The following GABRA4 variants were observed in gnomAD, a reference collection of about 807,000 sequenced individuals.
GABRA4 encodes the protein gamma-aminobutyric acid receptor subunit alpha-4.
In GABRA4, 12 loss-of-function variants were observed where a neutral mutation model predicts 49.7. The observed-to-expected ratio is 0.24, with a 90% CI of 0.15 to 0.39. The LOEUF (loss-of-function observed/expected upper bound fraction) is 0.39, where lower values mean the gene tolerates loss of function less well. Ranked by LOEUF, GABRA4 falls within the 10% of genes least tolerant of loss-of-function variation. The pLI is 1.00. For synonymous variants in GABRA4, 288 were observed against 240.2 expected (o/e 1.20, Z -1.84); for missense variants, 506 against 686.0 (o/e 0.74, Z 2.93).
chr4:46,950,764 C>T (rs1722147397), intron 8 of GABRA4, among the ~76,000 whole-genome samples: 2 of 88,208 alleles, frequency 2.3e-5, no homozygotes, highest in Non-Finnish European at 5.1e-5. Context: ...TATGCTTGTC[C>T]AGCTCTTGCT....
intron 8 of GABRA4, among the ~76,000 whole-genome samples, chr4:46,930,837 A>T (rs1184773212): frequency 1.4e-5 from 2 of 148,004 alleles, no homozygotes; most frequent in Non-Finnish European, 3.0e-5. Context: ...AAACAAATGC[A>T]AAAAAAAAAC....
At chr4:46,974,718 T>C (rs1723076495) in intron 5 of GABRA4, among the ~76,000 whole-genome samples, 1 of 151,902 alleles carries the variant, frequency 6.6e-6, no homozygotes, top group Non-Finnish European at 1.5e-5. Context: ...CAAAAGCAGA[T>C]ATATTGAACT....
rs759264808 is a variant in GABRA4 at position 46,965,192 on chromosome 4, G to A, written c.912C>T (p.Ile304=). The change falls in exon 8 of 9, where the codon ATC becomes ATT. Residue 304 remains isoleucine (I), a synonymous_variant. Transcript: ENST00000264318. The part of the protein sequence containing the change: ...TTVLTMTTLS[I]SARHSLPKVS... The stretch of plus-strand genomic sequence containing the variant: ...CTTTGGGCAAAGAATGTCGTGCACT[G>A]ATGCTTAGTGTGGTCATGGTGAGGA... 1.3e-6 allele frequency: 2 copies of A among 1,589,536 alleles called. No homozygotes were observed. Among genetic ancestry groups the A allele is most frequent in the South Asian group, 1.1e-5 (1 of 87,692 alleles).
chr4:46,964,496 C>T (rs1306757905), intron 8 of GABRA4, among the ~76,000 whole-genome samples: 1 of 151,902 alleles, frequency 6.6e-6, no homozygotes, highest in South Asian at 2.1e-4. Flanking sequence ...TTTCACATTG[C>T]ATGCCTGTAT....
At chr4:46,969,503 G>C (rs905326318) in intron 7 of GABRA4, among the ~76,000 whole-genome samples, 1 of 151,506 alleles carries the variant, frequency 6.6e-6, no homozygotes, top group African/African-American at 2.4e-5. Flanking sequence ...ACATCAAGAA[G>C]TTAGCAGAGC....
chr4:46,937,914 T>C (rs1011575795), intron 8 of GABRA4, among the ~76,000 whole-genome samples: 8 of 152,164 alleles, frequency 5.3e-5, no homozygotes, highest in African/African-American at 1.9e-4. Context: ...ACTCAGACAG[T>C]GAGTGATTAT....
Position 46,993,535 on chromosome 4 carries a change from G to T in GABRA4, c.-111C>A. 4.4e-6 allele frequency: 5 copies of T among 1,139,890 alleles called. No individual in the cohort carries two copies. Among genetic ancestry groups the T allele is most frequent in the South Asian group, 2.7e-5 (2 of 74,228 alleles). 70.6% of individuals were successfully genotyped at this position (1,139,890 alleles called of 1,614,324 possible). A position where few individuals can be genotyped will look rare whatever the true frequency, so the allele number is the denominator to read the frequency against. On this transcript the variant is annotated 5_prime_UTR_variant, in exon 1 of 9. Coordinates refer to ENST00000264318, the MANE Select transcript of GABRA4 (RefSeq NM_000809.4). ...GCTCCCGCGGCGTGCGCACACTCGCGCTCACACTCGCCCGCGCTCAGCCAG... is the reference window on the plus strand; with the variant it reads ...GCTCCCGCGGCGTGCGCACACTCGCTCTCACACTCGCCCGCGCTCAGCCAG...
At chr4:46,964,195 T>C (rs1456207988) in intron 8 of GABRA4, among the ~76,000 whole-genome samples, 5 of 151,822 alleles carry the variant, frequency 3.3e-5, no homozygotes, top group Non-Finnish European at 5.9e-5. Context: ...CACTTATTTG[T>C]GGGATCTAAA....
intron 8 of GABRA4, among the ~76,000 whole-genome samples, chr4:46,951,364 T>C (rs1395433996): frequency 4.0e-5 from 6 of 151,474 alleles, no homozygotes; most frequent in Non-Finnish European, 5.9e-5. Flanking sequence ...CTTTCATTCA[T>C]TGACTCAATC....
At chr4:46,983,527 C>T (rs1723428974) in intron 2 of GABRA4, among the ~76,000 whole-genome samples, 1 of 152,090 alleles carries the variant, frequency 6.6e-6, no homozygotes, top group African/African-American at 2.4e-5. Context: ...AACAGAATTA[C>T]TTTCCACAGC....
intron 3 of GABRA4, 46 bp from the exon 4 acceptor site, chr4:46,977,676 C>A: frequency 7.7e-7 from 1 of 1,293,362 alleles, no homozygotes; most frequent in Non-Finnish European, 1.1e-6. Flanking sequence ...AATGACTACA[C>A]ATAAGTATGT....
Position 46,993,513 on chromosome 4 carries a change from C to T in GABRA4, c.-89G>A. 7.2e-7 allele frequency: 1 copy of T among 1,385,336 alleles called. No homozygotes were observed. The highest frequency in any genetic ancestry group is 1.2e-5 in the South Asian group (1 of 83,950). The allele number at this position is 1,385,336 out of a possible 1,614,324, so 85.8% of individuals were successfully genotyped here. ...GGTGCGAGGAGAGGGCAGAGAGGCTCCCGCGGCGTGCGCACACTCGCGCTC... is the reference window on the plus strand; with the variant it reads ...GGTGCGAGGAGAGGGCAGAGAGGCTTCCGCGGCGTGCGCACACTCGCGCTC... On this transcript the variant is annotated 5_prime_UTR_variant, in exon 1 of 9. Transcript: ENST00000264318.
intron 8 of GABRA4, among the ~76,000 whole-genome samples, chr4:46,943,176 A>G (rs1036879747): frequency 2.6e-5 from 4 of 152,086 alleles, no homozygotes; most frequent in African/African-American, 4.8e-5. Flanking sequence ...ATTTATTGCT[A>G]TCTAATAAAC....
intron 2 of GABRA4, among the ~76,000 whole-genome samples, chr4:46,986,591 G>C (rs80232707): frequency 1.5e-3 from 224 of 152,058 alleles, no homozygotes; most frequent in Non-Finnish European, 2.7e-3. Flanking sequence ...CTCAATATTT[G>C]TACCTCTTCC....
chr4:46,922,859 TC>T lies in GABRA4; in HGVS notation c.*5365del, dbSNP rs2109928741. The T allele has an allele frequency of 6.6e-6, 1 of 152,188 alleles. No individual in the cohort carries two copies. Among genetic ancestry groups the T allele is most frequent in the South Asian group, 2.1e-4 (1 of 4,820 alleles). 9.4% of individuals were successfully genotyped at this position (152,188 alleles called of 1,614,324 possible). A position where few individuals can be genotyped will look rare whatever the true frequency, so the allele number is the denominator to read the frequency against. ...ACTGTAAATAGTTACAGAGCAGTGG[TC>T]CCCAACCCCTGGGCCACTGACCAGT... On this transcript the variant is annotated 3_prime_UTR_variant, in exon 9 of 9. Transcript: ENST00000264318.
At chr4:46,978,655 C>T (rs1287015018) in intron 3 of GABRA4, among the ~76,000 whole-genome samples, 1 of 126,624 alleles carries the variant, frequency 7.9e-6, no homozygotes, top group Non-Finnish European at 1.6e-5. Flanking sequence ...CCATTGTACT[C>T]CAGCCTGGGC....
At chr4:46,962,869 T>C (rs1722627443) in intron 8 of GABRA4, among the ~76,000 whole-genome samples, 1 of 151,888 alleles carries the variant, frequency 6.6e-6, no homozygotes, top group African/African-American at 2.4e-5. Context: ...AGACGGTCCC[T>C]TCAATAAATG....
intron 8 of GABRA4, among the ~76,000 whole-genome samples, chr4:46,957,186 G>A (rs908081952): frequency 7.2e-5 from 11 of 151,762 alleles, no homozygotes; most frequent in South Asian, 2.1e-4. Context: ...TTAAGGATCC[G>A]AATACTTAAG....
In GABRA4 at chr4:46,928,504, T is replaced by C. The variant is rs576959238; in HGVS notation, c.1386A>G (p.Gly462=). The part of the protein sequence containing the change: ...PSASPTSIRT[G]YMPRKASVGS... ...CAACTGAAGCCTTTCGAGGCATATA[T>C]CCAGTTCGGATAGAAGTAGGAGAAG... The change falls in exon 9 of 9, where the codon GGA becomes GGG. Residue 462 remains glycine, a synonymous_variant. Transcript: ENST00000264318. 6 of 1,613,624 alleles carry C rather than the reference T, an allele frequency of 3.7e-6. No homozygotes were observed. The South Asian group carries it at 4.4e-5, about 12-fold the overall frequency.
Sources: gnomAD v4.1 joint callset for allele counts (sites outside exome capture counted in the v4.1 genomes callset) on GRCh38, gnomAD v4.1.1 for gene constraint, MANE v1.5 for transcripts, NCBI Gene and HGNC (gene_info 2026-07-23, HGNC 2026-07-21) for gene names.